The following OOSP3 variants were observed in gnomAD, a reference collection of about 807,000 sequenced individuals.
The protein encoded by OOSP3 is oocyte secreted protein family member 3, also known as oocyte-secreted protein 3.
intron 2 of OOSP3, among the ~76,000 whole-genome samples, chr11:59,885,105 T>C (rs925822757): frequency 2.0e-5 from 3 of 152,216 alleles, no homozygotes; most frequent in African/African-American, 7.2e-5. Context: ...TATAGTTTTT[T>C]CCCCTGAAAC....
At chr11:59,888,442 A>G (rs1853282038) in intron 2 of OOSP3, among the ~76,000 whole-genome samples, 1 of 152,194 alleles carries the variant, frequency 6.6e-6, no homozygotes, top group Non-Finnish European at 1.5e-5. Flanking sequence ...GGTTTGTCAT[A>G]AATGGCTCTT....
chr11:59,885,470 C>T (rs1398591015), intron 2 of OOSP3, among the ~76,000 whole-genome samples: 1 of 152,056 alleles, frequency 6.6e-6, no homozygotes. Flanking sequence ...AGCTATTCTC[C>T]CTCCCCATCC....
chr11:59,882,080 A>C (rs189025332), intron 2 of OOSP3, among the ~76,000 whole-genome samples: 1 of 152,296 alleles, frequency 6.6e-6, no homozygotes, highest in Admixed American at 6.5e-5. Context: ...ATTTCAAAGT[A>C]TGACTTATTA....
chr11:59,885,100 T>C (rs1333708640), intron 2 of OOSP3, among the ~76,000 whole-genome samples: 1 of 152,290 alleles, frequency 6.6e-6, no homozygotes, highest in Non-Finnish European at 1.5e-5. Flanking sequence ...AATTTTATAG[T>C]TTTTTCCCCT....
At chr11:59,885,498 G>A (rs1048829272) in intron 2 of OOSP3, among the ~76,000 whole-genome samples, 3 of 152,048 alleles carry the variant, frequency 2.0e-5, no homozygotes, top group Non-Finnish European at 4.4e-5. Context: ...AGTCCCCAGT[G>A]TGTGTTGTTG....
intron 3 of OOSP3, among the ~76,000 whole-genome samples, chr11:59,894,682 C>A (rs1853340525): frequency 6.6e-6 from 1 of 152,164 alleles, no homozygotes. Flanking sequence ...TAATAAATCA[C>A]CTGCACATAA....
chr11:59,880,191 C>A, intron 1 of OOSP3, 70 bp from the exon 2 acceptor site: 1 of 397,394 alleles, frequency 2.5e-6, no homozygotes, highest in South Asian at 1.4e-4. Flanking sequence ...ATGCTATGTT[C>A]AGACTTTCTC....
At chr11:59,879,937 C>T (rs981508048) in intron 1 of OOSP3, among the ~76,000 whole-genome samples, 1 of 152,186 alleles carries the variant, frequency 6.6e-6, no homozygotes, top group African/African-American at 2.4e-5. Context: ...GCCAGCACAC[C>T]AGCTTGAGGC....
intron 2 of OOSP3, among the ~76,000 whole-genome samples, chr11:59,890,339 T>C (rs1379837727): frequency 1.3e-5 from 2 of 152,184 alleles, no homozygotes; most frequent in Non-Finnish European, 2.9e-5. Context: ...CTGGTTAATT[T>C]GCAGACTTGT....
At chr11:59,886,924 G>A (rs1853266667) in intron 2 of OOSP3, among the ~76,000 whole-genome samples, 1 of 151,770 alleles carries the variant, frequency 6.6e-6, no homozygotes, top group Non-Finnish European at 1.5e-5. Context: ...CCGAATAGCT[G>A]GGAGTATAGG....
intron 3 of OOSP3, among the ~76,000 whole-genome samples, chr11:59,894,762 G>A (rs1172399714): frequency 6.6e-6 from 1 of 152,160 alleles, no homozygotes; most frequent in East Asian, 1.9e-4. Flanking sequence ...AGAGCTCAGA[G>A]GTGATTGTCC....
chr11:59,896,289 A>T (rs1853357233), exon 5 of OOSP3: 1 of 396,984 alleles, frequency 2.5e-6, no homozygotes, highest in African/African-American at 2.1e-5. Context: ...CTCACTACAG[A>T]TTTATCACTT....
At chr11:59,895,829 C>G (rs183639359) in intron 4 of OOSP3, among the ~76,000 whole-genome samples, 177 bp downstream of exon 4, 7 of 152,318 alleles carry the variant, frequency 4.6e-5, no homozygotes, top group South Asian at 2.1e-4. Context: ...AATGCTACTT[C>G]CATGTGTCTA....
chr11:59,882,224 A>G (rs1399562059), intron 2 of OOSP3, among the ~76,000 whole-genome samples: 1 of 152,082 alleles, frequency 6.6e-6, no homozygotes, highest in Non-Finnish European at 1.5e-5. Flanking sequence ...ACAAACTATG[A>G]CGTAGAATAA....
chr11:59,896,428 G>A (rs550786946), exon 5 of OOSP3: 1 of 340,436 alleles, frequency 2.9e-6, no homozygotes, highest in Middle Eastern at 7.6e-4. Context: ...CAATGTCTAT[G>A]TATAATTTGT....
chr11:59,894,010 A>T, intron 2 of OOSP3, 69 bp from the exon 3 acceptor site: 1 of 397,578 alleles, frequency 2.5e-6, no homozygotes, highest in Non-Finnish European at 4.4e-6. Flanking sequence ...TGATCTGTTC[A>T]CTGTTCAAAT....
At chr11:59,887,438 C>T (rs1250965558) in intron 2 of OOSP3, among the ~76,000 whole-genome samples, 8 of 152,096 alleles carry the variant, frequency 5.3e-5, no homozygotes, top group African/African-American at 1.4e-4. Context: ...GGGTTTTACA[C>T]TTAAGTCTTT....
At chr11:59,884,416 CTT>C (rs1391283367) in intron 2 of OOSP3, among the ~76,000 whole-genome samples, 2 of 149,850 alleles carry the variant, frequency 1.3e-5, no homozygotes, top group Non-Finnish European at 3.0e-5. Context: ...GGGTGGATCT[CTT>C]ATGATTTTCT....
intron 2 of OOSP3, among the ~76,000 whole-genome samples, chr11:59,887,351 GTCA>G (rs1853272415): frequency 1.3e-5 from 2 of 151,970 alleles, no homozygotes; most frequent in African/African-American, 4.8e-5. Context: ...TTTTGGCAAT[GTCA>G]TCATAAAATC....
Sources: gnomAD v4.1 joint callset for allele counts (sites outside exome capture counted in the v4.1 genomes callset) on GRCh38, gnomAD v4.1.1 for gene constraint, MANE v1.5 for transcripts, NCBI Gene and HGNC (gene_info 2026-07-23, HGNC 2026-07-21) for gene names.